Variants in CYB5D2 observed in about 807,000 individuals in gnomAD.
CYB5D2 encodes cytochrome b5 domain containing 2.
A neutral mutation model predicts 22.8 loss-of-function variants in CYB5D2; 23 were observed. That is an observed-to-expected ratio of 1.01 (90% CI 0.73 to 1.43). The LOEUF (loss-of-function observed/expected upper bound fraction) is 1.43. CYB5D2 is among the 40% of genes most tolerant of loss of function. The probability of loss-of-function intolerance (pLI) is 0.00; values close to 1 mark genes in which losing one functional copy is unlikely to be tolerated. For synonymous variants in CYB5D2, 170 were observed against 152.2 expected (o/e 1.12, Z -0.86); for missense variants, 373 against 357.2 (o/e 1.04, Z -0.36).
chr17:4,154,854 A>G lies in CYB5D2; in HGVS notation c.572A>G (p.Gln191Arg), dbSNP rs1017981636. 1 of 1,611,112 alleles carries G rather than the reference A, an allele frequency of 6.2e-7. No homozygotes were observed. Among genetic ancestry groups the G allele is most frequent in the African/African-American group, 1.3e-5 (1 of 74,594 alleles). ...SARGSRLWCS[Q>R]KSGGVSRDWI... is the part of the protein sequence containing the mutation. ...AGGGGCAGCCGGCTCTGGTGCTCCC[A>G]GAAGAGGTAAGCAGGCTCCCCTTCT... is the stretch of plus-strand genomic sequence containing the variant. Residue 191 changes from glutamine (Q) to arginine (R), a missense_variant, in exon 3 of 4, where the codon CAG (glutamine) becomes CGG (arginine). By Grantham distance (43) the Gln-to-Arg change is conservative. Transcript: ENST00000301391.
At position 4,157,012 on chromosome 17, in the gene CYB5D2, T is replaced by C. The variant is rs907804130; in HGVS notation, c.725T>C (p.Leu242Pro). 1.2e-5 allele frequency: 20 copies of C among 1,612,724 alleles called. No individual in the cohort carries two copies. Among genetic ancestry groups the C allele is most frequent in the Non-Finnish European group, 1.3e-5 (15 of 1,180,032 alleles). The change falls in exon 4 of 4, where the codon CTG (leucine) becomes CCG (proline). Residue 242 changes from leucine (L) to proline (P), a missense_variant. By Grantham distance (98) the Leu-to-Pro change is moderately conservative. Transcript: ENST00000301391. The surrounding 1 kb of genome is among the most constrained non-coding windows in gnomAD (Gnocchi z 4.4). ...CCTCCACACAGAAATCGTGGGGACC[T>C]GGACCACCCAAACTTGGCAGAGTAC... ...DNPPHRNRGD[L>P]DHPNLAEYTG...
At chr17:4,148,004 T>C (rs2142993387) in intron 1 of CYB5D2, among the ~76,000 whole-genome samples, 1 of 152,278 alleles carries the variant, frequency 6.6e-6, no homozygotes, top group South Asian at 2.1e-4. Flanking sequence ...TCAGTTTGTG[T>C]TTAAAGTATC....
chr17:4,157,114 G>A lies in CYB5D2; in HGVS notation c.*32G>A, dbSNP rs762803307. 32 of 1,607,646 alleles carry A rather than the reference G, an allele frequency of 2.0e-5. No homozygotes were observed. Among genetic ancestry groups the A allele is most frequent in the Non-Finnish European group, 2.6e-5 (31 of 1,177,704 alleles). On this transcript the variant is annotated 3_prime_UTR_variant, in exon 4 of 4. Coordinates refer to ENST00000301391, the MANE Select transcript of CYB5D2 (RefSeq NM_144611.4). This position sits in a 1 kb window ranked among gnomAD's most constrained non-coding sequence, Gnocchi z 4.4. ...GCCTCTTCTGTTAATAACACACAGA[G>A]AGCTCTGCCAAGCACCTGAGTAGGC...
chr17:4,143,779 G>T lies in CYB5D2; in HGVS notation c.24G>T (p.Gly8=), dbSNP rs2058930188. 6.2e-7 allele frequency: 1 copy of T among 1,613,968 alleles called. No homozygotes were observed. Among genetic ancestry groups the T allele is most frequent in the Non-Finnish European group, 8.5e-7 (1 of 1,179,972 alleles). Reference sequence around the variant, plus strand: ...AGATGTTGAGGTGCGGAGGCCGTGGGCTTTTGTTGGGCCTGGCTGTAGCCG... The same window carrying T: ...AGATGTTGAGGTGCGGAGGCCGTGGTCTTTTGTTGGGCCTGGCTGTAGCCG... MLRCGGR[G]LLLGLAVAAA... Residue 8 remains glycine, a synonymous_variant, in exon 1 of 4, where the codon GGG becomes GGT. Coordinates refer to ENST00000301391, the MANE Select transcript of CYB5D2 (RefSeq NM_144611.4).
At position 4,149,963 on chromosome 17, in the gene CYB5D2, T is replaced by G. The variant is rs938492723; in HGVS notation, c.323T>G (p.Leu108Arg). 3 of 1,614,184 alleles carry G rather than the reference T, an allele frequency of 1.9e-6. No individual in the cohort carries two copies. Among genetic ancestry groups the G allele is most frequent in the Non-Finnish European group, 2.5e-6 (3 of 1,180,042 alleles). The part of the protein sequence containing the change: ...EAGLVDDVSD[L>R]SAAEMLTLHN... ...GGCCTCGTGGATGACGTATCCGACC[T>G]GTCAGCCGCTGAGATGCTGACACTT... The change falls in exon 2 of 4, where the codon CTG becomes CGG. Residue 108 changes from leucine to arginine, a missense_variant. By Grantham distance (102) the Leu-to-Arg change is moderately radical (BLOSUM62 -2). Coordinates refer to ENST00000301391, the MANE Select transcript of CYB5D2 (RefSeq NM_144611.4).
rs1016942736 is a variant in CYB5D2 at position 4,150,011 on chromosome 17, A to G, written c.371A>G (p.Glu124Gly). ...CTTCACAATTGGCTTTCATTCTATGAGAAGAATTATGTGTGTGTTGGTAAG... is the reference window on the plus strand; with the variant it reads ...CTTCACAATTGGCTTTCATTCTATGGGAAGAATTATGTGTGTGTTGGTAAG... ...LTLHNWLSFY[E>G]KNYVCVGRVT... is the part of the protein sequence containing the mutation. Residue 124 changes from glutamate to glycine, a missense_variant, in exon 2 of 4, where the codon GAG becomes GGG. Glu to Gly is a moderately conservative substitution (Grantham distance 98). Coordinates refer to ENST00000301391, the MANE Select transcript of CYB5D2 (RefSeq NM_144611.4). The G allele has an allele frequency of 5.0e-6, 8 of 1,614,006 alleles. No individual in the cohort carries two copies. The highest frequency in any genetic ancestry group is 6.8e-6 in the Non-Finnish European group (8 of 1,180,044).
intron 2 of CYB5D2, among the ~76,000 whole-genome samples, chr17:4,154,183 C>T (rs1167836403): frequency 6.6e-6 from 1 of 152,216 alleles, no homozygotes; most frequent in Non-Finnish European, 1.5e-5. Context: ...GTGTGACTTA[C>T]ACCTGTACCC....
rs917172923 is a variant in CYB5D2 at position 4,157,131 on chromosome 17, T to G, written c.*49T>G. 8 of 1,589,170 alleles carry G rather than the reference T, an allele frequency of 5.0e-6. No homozygotes were observed. Among genetic ancestry groups the G allele is most frequent in the Non-Finnish European group, 6.9e-6 (8 of 1,165,448 alleles). ...CACACAGAGAGCTCTGCCAAGCACC[T>G]GAGTAGGCCCTTGACACTTGTGTGC... On this transcript the variant is annotated 3_prime_UTR_variant, in exon 4 of 4. Coordinates refer to ENST00000301391, the MANE Select transcript of CYB5D2 (RefSeq NM_144611.4). This position sits in a 1 kb window ranked among gnomAD's most constrained non-coding sequence, Gnocchi z 4.4.
In CYB5D2 at chr17:4,143,969, C is replaced by T. The variant is rs746596239; in HGVS notation, c.214C>T (p.His72Tyr). 6.2e-6 allele frequency: 10 copies of T among 1,611,908 alleles called. No individual in the cohort carries two copies. In the East Asian group the frequency reaches 1.8e-4, roughly 29 times the overall value. Residue 72 changes from histidine (H) to tyrosine (Y), a missense_variant, in exon 1 of 4, where the codon CAC becomes TAC. Coordinates refer to ENST00000301391, the MANE Select transcript of CYB5D2 (RefSeq NM_144611.4). ...RVYDVSSGRR[H>Y]YEPGSHYSGF... is the part of the protein sequence containing the mutation. ...CTACGATGTGTCCTCCGGCCGGAGG[C>T]ACTACGAGCCTGGGTCCCACTATAG...
In CYB5D2 at chr17:4,146,019, G is replaced by A. The variant is rs941420946; in HGVS notation, c.250+2014G>A. ...TCGCCATGTTGGCCAGGCCGGTCTTGAACTCCTGAGCTCAAGTGATTCAGC... is the reference window on the plus strand; with the variant it reads ...TCGCCATGTTGGCCAGGCCGGTCTTAAACTCCTGAGCTCAAGTGATTCAGC... On this transcript the variant is annotated intron_variant, in intron 1 of 3. Coordinates refer to ENST00000301391, the MANE Select transcript of CYB5D2 (RefSeq NM_144611.4). 2.6e-5 allele frequency among the ~76,000 whole-genome samples: 4 copies of A among 152,316 alleles called. No homozygotes were observed. The South Asian group carries it at 8.3e-4, about 32-fold the overall frequency.
At chr17:4,152,678 G>A (rs546165777) in intron 2 of CYB5D2, among the ~76,000 whole-genome samples, 1 of 152,330 alleles carries the variant, frequency 6.6e-6, no homozygotes, top group East Asian at 1.9e-4. Context: ...TTCTGTGCCA[G>A]GCCAACTCAT....
chr17:4,151,847 A>T (rs1174193871), intron 2 of CYB5D2, among the ~76,000 whole-genome samples: 1 of 152,006 alleles, frequency 6.6e-6, no homozygotes, highest in African/African-American at 2.4e-5. Context: ...TCTACTATAA[A>T]TACAAAAAAT....
At chr17:4,147,326 A>T (rs1260926288) in intron 1 of CYB5D2, among the ~76,000 whole-genome samples, 1 of 152,226 alleles carries the variant, frequency 6.6e-6, no homozygotes, top group Non-Finnish European at 1.5e-5. Flanking sequence ...GAATTTACTA[A>T]AGATCAGGCA....
rs990361771 is a variant in CYB5D2, at chr17:4,143,723, C to A, written c.-33C>A. 1 of 1,581,218 alleles carries A rather than the reference C, an allele frequency of 6.3e-7. No individual in the cohort carries two copies. Among genetic ancestry groups the A allele is most frequent in the Non-Finnish European group, 8.6e-7 (1 of 1,160,362 alleles). ...TCTTAGCTGTAGATAGAGGCGGCAA[C>A]CTCGGAAGTGCGGAGCGGGTGGGCC... On this transcript the variant is annotated 5_prime_UTR_variant, in exon 1 of 4. Coordinates refer to ENST00000301391, the MANE Select transcript of CYB5D2 (RefSeq NM_144611.4).
intron 1 of CYB5D2, among the ~76,000 whole-genome samples, chr17:4,147,354 G>A (rs1358934012): frequency 1.3e-5 from 2 of 152,226 alleles, no homozygotes; most frequent in Non-Finnish European, 2.9e-5. Flanking sequence ...AGACACTGGG[G>A]AATCCATAGT....
At chr17:4,149,769 A>T in intron 1 of CYB5D2, 122 bp from the exon 2 acceptor site, 1 of 1,259,898 alleles carries the variant, frequency 7.9e-7, no homozygotes, top group Non-Finnish European at 1.1e-6. Context: ...ACTGCACTCC[A>T]GCCTGGGCAA....
At chr17:4,145,146 A>T (rs1246380249) in intron 1 of CYB5D2, among the ~76,000 whole-genome samples, 1 of 152,158 alleles carries the variant, frequency 6.6e-6, no homozygotes, top group Non-Finnish European at 1.5e-5. Flanking sequence ...TCCAAAATTT[A>T]AAAAGAAAAA....
At chr17:4,147,705 T>G (rs930969160) in intron 1 of CYB5D2, among the ~76,000 whole-genome samples, 4 of 152,054 alleles carry the variant, frequency 2.6e-5, no homozygotes, top group Non-Finnish European at 5.9e-5. Flanking sequence ...AATACAAAAT[T>G]AGCCGGGCAT....
chr17:4,144,258 CTT>C (rs964866118), intron 1 of CYB5D2, among the ~76,000 whole-genome samples: 2 of 152,182 alleles, frequency 1.3e-5, no homozygotes, highest in African/African-American at 4.8e-5. Context: ...TCTTCTGTCT[CTT>C]GTTACCCATT....
Sources: gnomAD v4.1 joint callset for allele counts (sites outside exome capture counted in the v4.1 genomes callset) on GRCh38, gnomAD v4.1.1 for gene constraint, Gnocchi (gnomAD v3.1) non-coding constraint, MANE v1.5 for transcripts, NCBI Gene and HGNC (gene_info 2026-07-23, HGNC 2026-07-21) for gene names.